The following ARHGEF28 variants were observed in gnomAD, a reference collection of about 807,000 sequenced individuals.
ARHGEF28 encodes Rho guanine nucleotide exchange factor 28, also known as 190 kDa guanine nucleotide exchange factor.
ARHGEF28 carries 152 observed loss-of-function variants against 206.6 expected under a neutral mutation model. That is an observed-to-expected ratio of 0.74 (90% confidence interval 0.64 to 0.84). The LOEUF (loss-of-function observed/expected upper bound fraction) is 0.84. Among genes scored for constraint, ARHGEF28 ranks in the 40% least tolerant of loss-of-function variants. The pLI is 0.00. For synonymous variants in ARHGEF28, 763 were observed against 776.4 expected, an observed-to-expected ratio of 0.98 and a Z score of 0.29; for missense variants, 2,028 against 2,073.2, an observed-to-expected ratio of 0.98 and a Z score of 0.42.
At chr5:73,776,846 T>A in intron 6 of ARHGEF28, 150 bp downstream of exon 6, 1 of 537,790 alleles carries the variant, frequency 1.9e-6, no homozygotes, top group Non-Finnish European at 3.1e-6. Context: ...ATTAGATCAG[T>A]AGAATGAAGA....
chr5:73,696,671 AG>A (rs1748236898), intron 2 of ARHGEF28, among the ~76,000 whole-genome samples: 1 of 152,230 alleles, frequency 6.6e-6, no homozygotes, highest in Admixed American at 6.5e-5. Flanking sequence ...CTTTTCTGAA[AG>A]GAAATCCTTC....
chr5:73,684,158 C>T (rs1022052742), intron 1 of ARHGEF28, among the ~76,000 whole-genome samples: 6 of 152,122 alleles, frequency 3.9e-5, no homozygotes, highest in Non-Finnish European at 8.8e-5. Flanking sequence ...GCAACCATCA[C>T]CCCCACCAGC....
intron 2 of ARHGEF28, among the ~76,000 whole-genome samples, chr5:73,708,167 C>G (rs1216521721): frequency 6.6e-6 from 1 of 150,768 alleles, no homozygotes; most frequent in Non-Finnish European, 1.5e-5. Flanking sequence ...AGTCAAAACA[C>G]TTTAGCTTTA....
chr5:73,909,895 G>A lies in ARHGEF28; in HGVS notation c.4645G>A (p.Glu1549Lys), dbSNP rs1466652323. 4 of 1,506,270 alleles carry A rather than the reference G, an allele frequency of 2.7e-6. No homozygotes were observed. Among genetic ancestry groups the A allele is most frequent in the Admixed American group, 4.5e-5 (2 of 44,796 alleles). 93.3% of individuals were successfully genotyped at this position (1,506,270 alleles called of 1,614,324 possible). A position where few individuals can be genotyped will look rare whatever the true frequency, so the allele number is the denominator to read the frequency against. Reference sequence around the variant, plus strand: ...CGCGGTGCTCCTTCCGGGTGGCCCCGAGGTATGGACCTTCTGCGGTGCTGT... The same window carrying A: ...CGCGGTGCTCCTTCCGGGTGGCCCCAAGGTATGGACCTTCTGCGGTGCTGT... ...LPAVLLPGGP[E>K]VMELNRSESL... The change falls in exon 34 of 36, where the codon GAG becomes AAG. Residue 1549 changes from glutamate to lysine, a missense_variant and splice_region_variant. Physicochemically the swap from Glu to Lys is moderately conservative, Grantham distance 56 (BLOSUM62 1). Coordinates refer to ENST00000513042, the MANE Select transcript of ARHGEF28 (RefSeq NM_001177693.2).
chr5:73,909,803 A>C lies in ARHGEF28; in HGVS notation c.4553A>C (p.Gln1518Pro). The C allele has an allele frequency of 1.3e-6, 2 of 1,533,818 alleles. No homozygotes were observed. The highest frequency in any genetic ancestry group is 1.7e-6 in the Non-Finnish European group (2 of 1,147,692). Residue 1518 changes from glutamine to proline, a missense_variant, in exon 34 of 36, where the codon CAG becomes CCG. Coordinates refer to ENST00000513042, the MANE Select transcript of ARHGEF28 (RefSeq NM_001177693.2). Reference protein sequence around the residue: ...REGQRLVEREQARMRAQQSLL... With the variant: ...REGQRLVEREPARMRAQQSLL... ...GGCCAGCGCCTGGTGGAGAGGGAGCAGGCGAGGATGCGGGCCCAGCAGAGC... is the reference window on the plus strand; with the variant it reads ...GGCCAGCGCCTGGTGGAGAGGGAGCCGGCGAGGATGCGGGCCCAGCAGAGC...
chr5:73,781,470 T>A (rs1038832063), intron 7 of ARHGEF28, among the ~76,000 whole-genome samples: 6 of 152,232 alleles, frequency 3.9e-5, no homozygotes, highest in African/African-American at 1.4e-4. Context: ...CATTCCTCAT[T>A]TTCCTCAACT....
rs377651779 is a variant in ARHGEF28, at chr5:73,858,236, A to G, written c.2047+17A>G. The G allele has an allele frequency of 1.9e-6, 3 of 1,556,342 alleles. No homozygotes were observed. Among genetic ancestry groups the G allele is most frequent in the Non-Finnish European group, 1.7e-6 (2 of 1,157,846 alleles). ...AGTGTTCTAGTAAGTTCTCAGGTCT[A>G]TGTGCGCTGTCTTTGTTTTCATCTC... is the stretch of plus-strand genomic sequence containing the variant. On this transcript the variant is annotated intron_variant, in intron 16 of 35. Coordinates refer to ENST00000513042, the MANE Select transcript of ARHGEF28 (RefSeq NM_001177693.2).
In ARHGEF28 at chr5:73,665,679, T is replaced by C. The variant is rs1283385691; in HGVS notation, c.-11-19162T>C. 5.3e-5 allele frequency among the ~76,000 whole-genome samples: 8 copies of C among 152,204 alleles called. 1 individual carries two copies. The South Asian group carries it at 1.7e-3, about 32-fold the overall frequency. On this transcript the variant is annotated intron_variant, in intron 1 of 35. Coordinates refer to ENST00000513042, the MANE Select transcript of ARHGEF28 (RefSeq NM_001177693.2). ...GAAGAGGGGGCCAAACGTCCTTTTA[T>C]AACAAACCCTCTCATGATAATAAAC...
chr5:73,710,067 G>A (rs1030143306), intron 2 of ARHGEF28, among the ~76,000 whole-genome samples: 1 of 152,132 alleles, frequency 6.6e-6, no homozygotes, highest in African/African-American at 2.4e-5. Flanking sequence ...CAATTCACTT[G>A]GATAAATTAC....
chr5:73,883,116 G>A (rs1561483548), intron 23 of ARHGEF28, among the ~76,000 whole-genome samples: 1 of 152,232 alleles, frequency 6.6e-6, no homozygotes, highest in South Asian at 2.1e-4. Flanking sequence ...CTTATTGTAT[G>A]AGGTGGTTAT....
intron 10 of ARHGEF28, among the ~76,000 whole-genome samples, chr5:73,839,703 A>G (rs1757867856): frequency 6.6e-6 from 1 of 152,166 alleles, no homozygotes. Flanking sequence ...AGAGTCTTAT[A>G]GCAGGAGCAC....
At chr5:73,764,042 A>G (rs923622847) in intron 4 of ARHGEF28, among the ~76,000 whole-genome samples, 7 of 152,182 alleles carry the variant, frequency 4.6e-5, no homozygotes, top group South Asian at 2.1e-4. Flanking sequence ...AGTCCCCCCA[A>G]TACTGGCTTT....
chr5:73,736,995 C>G (rs1385863203), intron 2 of ARHGEF28, among the ~76,000 whole-genome samples: 1 of 152,118 alleles, frequency 6.6e-6, no homozygotes, highest in Non-Finnish European at 1.5e-5. Context: ...AGTGTGCTCT[C>G]CTTTCTCCCT....
At chr5:73,691,057 G>A (rs1296226106) in intron 2 of ARHGEF28, among the ~76,000 whole-genome samples, 1 of 151,962 alleles carries the variant, frequency 6.6e-6, no homozygotes, top group Non-Finnish European at 1.5e-5. Context: ...AGCTCCCAGA[G>A]TAGCTGGGAC....
chr5:73,891,314 C>A (rs750831605), intron 26 of ARHGEF28, among the ~76,000 whole-genome samples: 3 of 152,084 alleles, frequency 2.0e-5, no homozygotes, highest in Non-Finnish European at 4.4e-5. Context: ...ATGGGCTGGG[C>A]TTCTGAGTTT....
At chr5:73,893,079 A>T in intron 27 of ARHGEF28, 118 bp from the exon 28 acceptor site, 1 of 809,140 alleles carries the variant, frequency 1.2e-6, no homozygotes, top group Non-Finnish European at 1.9e-6. Context: ...CATTCCCTTT[A>T]TGCTGAAATT....
At chr5:73,869,832 C>T (rs567595531) in intron 20 of ARHGEF28, among the ~76,000 whole-genome samples, 6 of 152,006 alleles carry the variant, frequency 3.9e-5, no homozygotes, top group South Asian at 2.1e-4. Flanking sequence ...TGCTTGAACC[C>T]GGGAGGCGGA....
intron 11 of ARHGEF28, among the ~76,000 whole-genome samples, chr5:73,844,736 A>AT (rs1263275156): frequency 8.5e-5 from 12 of 140,384 alleles, no homozygotes; most frequent in Non-Finnish European, 1.4e-4. Context: ...TTGTTTTGTT[A>AT]TTAAAATTAT....
chr5:73,880,691 G>C (rs760929280), intron 22 of ARHGEF28, among the ~76,000 whole-genome samples: 1 of 152,204 alleles, frequency 6.6e-6, no homozygotes, highest in Non-Finnish European at 1.5e-5. Flanking sequence ...CCAGCACTTT[G>C]GGAGGCCGAG....
Sources: gnomAD v4.1 joint callset for allele counts (sites outside exome capture counted in the v4.1 genomes callset) on GRCh38, gnomAD v4.1.1 for gene constraint, MANE v1.5 for transcripts, NCBI Gene and HGNC (gene_info 2026-07-23, HGNC 2026-07-21) for gene names.